NUBPL: variants seen among roughly 807,000 people sequenced by gnomAD.
The protein encoded by NUBPL is NUBP iron-sulfur cluster assembly factor, mitochondrial, also known as iron-sulfur cluster transfer protein NUBPL.
Under a neutral mutation model 45.7 loss-of-function variants are expected in NUBPL, and 31 were observed. That is an observed-to-expected ratio of 0.68 (90% CI 0.51 to 0.92). NUBPL has a LOEUF of 0.92. Ranked by LOEUF, NUBPL falls within the 40% of genes least tolerant of loss-of-function variation. The pLI is 0.00. For synonymous variants in NUBPL, 144 were observed against 140.9 expected (o/e 1.02, Z -0.15); for missense variants, 401 against 398.7 (o/e 1.01, Z -0.05).
chr14:31,613,953 GAAAAT>G (rs2034831230), intron 4 of NUBPL, among the ~76,000 whole-genome samples: 1 of 150,848 alleles, frequency 6.6e-6, no homozygotes, highest in Non-Finnish European at 1.5e-5. Context: ...TATATATATA[GAAAAT>G]AAAATGGCTT....
At chr14:31,725,376 A>G (rs2037897846) in intron 6 of NUBPL, among the ~76,000 whole-genome samples, 1 of 152,198 alleles carries the variant, frequency 6.6e-6, no homozygotes, top group Non-Finnish European at 1.5e-5. Flanking sequence ...ACTAAATGAG[A>G]TACAGGCTGA....
At chr14:31,674,938 C>G (rs1352935208) in intron 6 of NUBPL, among the ~76,000 whole-genome samples, 1 of 152,012 alleles carries the variant, frequency 6.6e-6, no homozygotes, top group African/African-American at 2.4e-5. Flanking sequence ...AGATCGAGAC[C>G]ATCCTGGCTA....
At chr14:31,644,986 C>T (rs951481263) in intron 4 of NUBPL, among the ~76,000 whole-genome samples, 8 of 151,744 alleles carry the variant, frequency 5.3e-5, no homozygotes, top group African/African-American at 1.5e-4. Flanking sequence ...TTAAAGTTTC[C>T]GATTGCATGG....
At chr14:31,632,805 C>A (rs2035379309) in intron 4 of NUBPL, among the ~76,000 whole-genome samples, 1 of 152,124 alleles carries the variant, frequency 6.6e-6, no homozygotes, top group Non-Finnish European at 1.5e-5. Context: ...GATTTAGATA[C>A]TCCATAATCC....
intron 7 of NUBPL, among the ~76,000 whole-genome samples, chr14:31,792,768 T>C (rs192681835): frequency 9.9e-4 from 151 of 152,204 alleles, no homozygotes; most frequent in African/African-American, 3.5e-3. Context: ...TTGGGGAGCA[T>C]GTGATTGTGT....
At chr14:31,843,824 TCTCATAATACCCTATA>T (rs976174687) in intron 8 of NUBPL, 1 of 152,208 alleles carries the variant, frequency 6.6e-6, no homozygotes, top group African/African-American at 2.4e-5. Context: ...TGTTCTACAC[TCTCATAATACCCTATA>T]CTTTGCTTCC....
intron 6 of NUBPL, among the ~76,000 whole-genome samples, chr14:31,695,420 C>T (rs2037194386): frequency 6.6e-6 from 1 of 150,912 alleles, no homozygotes. Flanking sequence ...TAGATTGGCA[C>T]CAACTGTTCC....
rs2139028508 is a variant in NUBPL, at chr14:31,859,215, A to T, written c.*35A>T. ...TGTCCTGGAAATTTGCCTGGTACTG[A>T]CATTAAGAGGACCTTTGGAAATCAG... On this transcript the variant is annotated 3_prime_UTR_variant, in exon 11 of 11. Coordinates refer to ENST00000281081, the MANE Select transcript of NUBPL (RefSeq NM_025152.3). 2 of 1,543,270 alleles carry T rather than the reference A, an allele frequency of 1.3e-6. No individual in the cohort carries two copies. Among genetic ancestry groups the T allele is most frequent in the Non-Finnish European group, 1.8e-6 (2 of 1,115,772 alleles).
chr14:31,741,051 T>C (rs2038272801), intron 6 of NUBPL, among the ~76,000 whole-genome samples: 1 of 152,236 alleles, frequency 6.6e-6, no homozygotes, highest in South Asian at 2.1e-4. Context: ...AGCATATTAA[T>C]CACAGTTTAA....
intron 6 of NUBPL, among the ~76,000 whole-genome samples, chr14:31,718,429 G>A (rs1449054155): frequency 1.3e-5 from 2 of 152,002 alleles, no homozygotes; most frequent in Non-Finnish European, 2.9e-5. Context: ...TTAATCTCAG[G>A]CCTTTATTTT....
At chr14:31,842,346 A>G (rs1258738187) in intron 8 of NUBPL, among the ~76,000 whole-genome samples, 1 of 152,182 alleles carries the variant, frequency 6.6e-6, no homozygotes, top group Non-Finnish European at 1.5e-5. Flanking sequence ...AATTTATTCA[A>G]GATGTCTAGG....
intron 7 of NUBPL, among the ~76,000 whole-genome samples, chr14:31,820,160 GA>G (rs1262628019): frequency 7.3e-4 from 98 of 133,642 alleles, no homozygotes; most frequent in African/African-American, 2.8e-3. Context: ...AAAAGAAAAA[GA>G]AAAAAATATT....
intron 7 of NUBPL, among the ~76,000 whole-genome samples, chr14:31,810,954 C>T (rs922574130): frequency 6.6e-6 from 1 of 152,230 alleles, no homozygotes; most frequent in Admixed American, 6.5e-5. Flanking sequence ...CCCCCACTCT[C>T]TTCTGGCTTG....
At chr14:31,666,133 G>A (rs1235193261) in intron 4 of NUBPL, among the ~76,000 whole-genome samples, 3 of 147,732 alleles carry the variant, frequency 2.0e-5, no homozygotes, top group Non-Finnish European at 4.5e-5. Flanking sequence ...CATGAGATGG[G>A]TCTCCTGAAT....
intron 7 of NUBPL, among the ~76,000 whole-genome samples, chr14:31,799,342 G>C (rs1317174250): frequency 6.6e-6 from 1 of 152,076 alleles, no homozygotes; most frequent in African/African-American, 2.4e-5. Context: ...CAAGTCTGTG[G>C]AGTTAAGTTC....
chr14:31,621,712 C>T (rs2139634721), intron 4 of NUBPL, among the ~76,000 whole-genome samples: 1 of 152,346 alleles, frequency 6.6e-6, no homozygotes, highest in African/African-American at 2.4e-5. Context: ...CTGGGAGCTG[C>T]AGACTGGAGC....
chr14:31,627,680 G>A (rs2035240642), intron 4 of NUBPL, among the ~76,000 whole-genome samples: 4 of 151,214 alleles, frequency 2.6e-5, no homozygotes, highest in Admixed American at 2.6e-4. Flanking sequence ...GCAGGAGAAT[G>A]GCATGAACCC....
chr14:31,641,242 G>A (rs1009639037), intron 4 of NUBPL, among the ~76,000 whole-genome samples: 5 of 152,194 alleles, frequency 3.3e-5, no homozygotes, highest in East Asian at 3.9e-4. Context: ...GAGCCACCGC[G>A]CCTGGCCAAT....
intron 6 of NUBPL, among the ~76,000 whole-genome samples, chr14:31,705,243 T>C (rs1347334902): frequency 6.6e-6 from 1 of 152,184 alleles, no homozygotes; most frequent in Non-Finnish European, 1.5e-5. Flanking sequence ...CAGACCTTCA[T>C]GGTGAGTGTT....
Sources: allele counts gnomAD v4.1 joint callset (sites outside exome capture counted in the v4.1 genomes callset), GRCh38; gene constraint gnomAD v4.1.1; transcripts MANE v1.5; gene names NCBI Gene and HGNC (gene_info 2026-07-23, HGNC 2026-07-21).